The following GALNT13 variants were observed in gnomAD, a reference collection of about 807,000 sequenced individuals.
The protein encoded by GALNT13 is UDP-GalNAc:polypeptide N-acetylgalactosaminyltransferase 13.
A neutral mutation model predicts 64.2 loss-of-function variants in GALNT13; 28 were observed. The observed-to-expected ratio is 0.44, with a 90% CI of 0.32 to 0.60. The LOEUF is 0.60. Among genes scored for constraint, GALNT13 ranks in the 20% least tolerant of loss-of-function variants. The probability of loss-of-function intolerance (pLI) is 0.05; values close to 1 mark genes in which losing one functional copy is unlikely to be tolerated. For missense variants in GALNT13, 577 were observed against 669.8 expected (o/e 0.86, Z 1.53); for synonymous variants, 214 against 224.6 (o/e 0.95, Z 0.42).
At chr2:154,391,764 C>A (rs1698804647) in intron 9 of GALNT13, among the ~76,000 whole-genome samples, 2 of 152,048 alleles carry the variant, frequency 1.3e-5, no homozygotes, top group African/African-American at 4.8e-5. Flanking sequence ...GATACCTTAT[C>A]CTTCAAAAAA....
chr2:153,777,194 T>G, the GALNT13 span, among the ~76,000 whole-genome samples: 1 of 152,152 alleles, frequency 6.6e-6, no homozygotes, highest in African/African-American at 2.4e-5. Context: ...CAAATTGAAA[T>G]AAAATCCTGC....
the GALNT13 span, among the ~76,000 whole-genome samples, chr2:153,440,710 T>A: frequency 6.6e-6 from 1 of 152,182 alleles, no homozygotes; most frequent in Non-Finnish European, 1.5e-5. Context: ...AGTGATGATA[T>A]GCTTTTTTTC....
chr2:153,601,423 C>A, the GALNT13 span, among the ~76,000 whole-genome samples: 1 of 151,606 alleles, frequency 6.6e-6, no homozygotes, highest in Admixed American at 6.6e-5. Flanking sequence ...GCCAATACTT[C>A]TAATTGGTAA....
chr2:153,747,772 A>G, the GALNT13 span, among the ~76,000 whole-genome samples: 1 of 152,026 alleles, frequency 6.6e-6, no homozygotes, highest in South Asian at 2.1e-4. Flanking sequence ...AGAACATGGC[A>G]TGTTTGTCTT....
In GALNT13 at chr2:154,242,726, C is replaced by T. The variant is rs187976407; in HGVS notation, c.507C>T (p.Tyr169=). 1.4e-5 allele frequency: 22 copies of T among 1,611,878 alleles called. No homozygotes were observed. The highest frequency in any genetic ancestry group is 5.3e-5 in the African/African-American group (4 of 74,964). Residue 169 remains tyrosine, a synonymous_variant, in exon 6 of 13, where the codon TAC becomes TAT. Coordinates refer to ENST00000392825, the MANE Select transcript of GALNT13 (RefSeq NM_052917.4). ...TTCTCAAGTTGACATTAGAGAATTA[C>T]GTGAAAAATTTAGAAGTGCCAGTAA... ...RDFLKLTLEN[Y]VKNLEVPVKI... is the part of the protein sequence containing the mutation.
intron 4 of GALNT13, among the ~76,000 whole-genome samples, chr2:154,207,299 T>C (rs1687516685): frequency 6.6e-6 from 1 of 152,212 alleles, no homozygotes; most frequent in Non-Finnish European, 1.5e-5. Context: ...CATAACCTGC[T>C]CTTCTCCACT....
chr2:154,131,691 A>G (rs1682626902), intron 3 of GALNT13, among the ~76,000 whole-genome samples: 1 of 152,224 alleles, frequency 6.6e-6, no homozygotes, highest in Non-Finnish European at 1.5e-5. Flanking sequence ...GGTTCTTTAG[A>G]AGGACAGCGT....
At chr2:153,494,623 A>G in the GALNT13 span, among the ~76,000 whole-genome samples, 1 of 152,066 alleles carries the variant, frequency 6.6e-6, no homozygotes, top group African/African-American at 2.4e-5. Flanking sequence ...TGGATTATTA[A>G]TATAAATGTA....
the GALNT13 span, among the ~76,000 whole-genome samples, chr2:153,539,802 A>G: frequency 6.6e-6 from 1 of 151,832 alleles, no homozygotes; most frequent in South Asian, 2.1e-4. Flanking sequence ...GTAGCCTTGT[A>G]GTATAGTTTG....
At chr2:153,640,865 A>T in the GALNT13 span, among the ~76,000 whole-genome samples, 2 of 152,170 alleles carry the variant, frequency 1.3e-5, no homozygotes, top group Non-Finnish European at 1.5e-5. Context: ...TTAGCTTAAC[A>T]AGTGGCAACT....
chr2:154,247,103 G>A (rs1307970172), intron 7 of GALNT13, among the ~76,000 whole-genome samples: 1 of 151,946 alleles, frequency 6.6e-6, no homozygotes, highest in Non-Finnish European at 1.5e-5. Context: ...ATTTGTTACT[G>A]AACAATTAAA....
In GALNT13 at chr2:154,380,127, G is replaced by A. The variant is rs563585986; in HGVS notation, c.1157-15864G>A. 5.9e-5 allele frequency among the ~76,000 whole-genome samples: 9 copies of A among 151,900 alleles called. No homozygotes were observed. In the South Asian group the frequency reaches 1.9e-3, roughly 32 times the overall value. On this transcript the variant is annotated intron_variant, in intron 9 of 12. Coordinates refer to ENST00000392825, the MANE Select transcript of GALNT13 (RefSeq NM_052917.4). Reference sequence around the variant, plus strand: ...AAGGTATTTATCAGGTTTTTGACACGAGTTAACATTCTTTAACTCTCACTG... The same window carrying A: ...AAGGTATTTATCAGGTTTTTGACACAAGTTAACATTCTTTAACTCTCACTG...
chr2:154,413,709 G>A (rs1348503130), intron 11 of GALNT13, among the ~76,000 whole-genome samples: 1 of 151,890 alleles, frequency 6.6e-6, no homozygotes, highest in East Asian at 1.9e-4. Flanking sequence ...GCTACACTCT[G>A]CTCCACTAAA....
chr2:153,109,729 A>T, the GALNT13 span, among the ~76,000 whole-genome samples: 3 of 152,078 alleles, frequency 2.0e-5, no homozygotes, highest in Non-Finnish European at 4.4e-5. Context: ...CAATAATCTG[A>T]CATTTCCAGT....
chr2:154,330,836 C>T (rs536971939), intron 9 of GALNT13, among the ~76,000 whole-genome samples: 1 of 152,122 alleles, frequency 6.6e-6, no homozygotes, highest in Non-Finnish European at 1.5e-5. Flanking sequence ...ATTTAAACAA[C>T]ATAACCCTTC....
chr2:153,283,682 T>G, the GALNT13 span, among the ~76,000 whole-genome samples: 1 of 152,132 alleles, frequency 6.6e-6, no homozygotes, highest in Non-Finnish European at 1.5e-5. Flanking sequence ...TCCACATGCC[T>G]GGAGATCTGC....
the GALNT13 span, among the ~76,000 whole-genome samples, chr2:153,206,802 C>A: frequency 6.6e-6 from 1 of 151,950 alleles, no homozygotes. Flanking sequence ...AATTTCTGTA[C>A]CTTCTTTAAA....
At position 154,061,287 on chromosome 2, in the gene GALNT13, A is replaced by G. The variant is rs183930288; in HGVS notation, c.143-79050A>G. On this transcript the variant is annotated intron_variant, in intron 3 of 12. Coordinates refer to ENST00000392825, the MANE Select transcript of GALNT13 (RefSeq NM_052917.4). ...CTGAGTCCTTGACTGCAGCTCAGTA[A>G]TTGCAATGCGTTGGCTGTAAATACC... is the stretch of plus-strand genomic sequence containing the variant. Among the ~76,000 whole-genome samples, 302 of 152,182 alleles carry G rather than the reference A, an allele frequency of 2.0e-3. 3 individuals carry two copies. The highest frequency in any genetic ancestry group is 6.8e-3 in the Middle Eastern group (2 of 294).
the GALNT13 span, among the ~76,000 whole-genome samples, chr2:153,280,433 T>C: frequency 6.6e-6 from 1 of 152,160 alleles, no homozygotes; most frequent in Non-Finnish European, 1.5e-5. Context: ...TTCTTGTTTT[T>C]CTAGTTACTC....
Sources: gnomAD v4.1 joint callset for allele counts (sites outside exome capture counted in the v4.1 genomes callset) on GRCh38, gnomAD v4.1.1 for gene constraint, MANE v1.5 for transcripts, NCBI Gene and HGNC (gene_info 2026-07-23, HGNC 2026-07-21) for gene names.